Variants in MOBP observed in about 807,000 individuals in gnomAD.
The protein encoded by MOBP is myelin-associated oligodendrocyte basic protein.
MOBP carries 5 observed loss-of-function variants against 15.0 expected under a neutral mutation model. The observed-to-expected ratio is 0.33, with a 90% CI of 0.17 to 0.70. The LOEUF is 0.70. Ranked by LOEUF, MOBP falls within the 30% of genes least tolerant of loss-of-function variation. MOBP has a pLI of 0.67. For synonymous variants in MOBP, 88 were observed against 99.0 expected (o/e 0.89, Z 0.66); for missense variants, 188 against 257.8 (o/e 0.73, Z 1.85).
In MOBP at chr3:39,468,912, A is replaced by T. The variant is rs141320139; in HGVS notation, c.-89+1172A>T. Among the ~76,000 whole-genome samples the T allele has an allele frequency of 9.1e-3, 710 of 77,996 alleles. 103 individuals carry two copies. The highest frequency in any genetic ancestry group is 0.021 in the South Asian group (57 of 2,664). 51.2% of individuals were successfully genotyped at this position (77,996 alleles called of 152,430 possible). Reference sequence around the variant, plus strand: ...GTGTATATATACATATATACATATGAGTGTGTATATATACATATATACATT... The same window carrying T: ...GTGTATATATACATATATACATATGTGTGTGTATATATACATATATACATT... On this transcript the variant is annotated intron_variant, in intron 1 of 3. Coordinates refer to ENST00000684792, the MANE Select transcript of MOBP (RefSeq NM_001393704.1).
At chr3:39,479,210 G>A (rs1162151519) in intron 1 of MOBP, among the ~76,000 whole-genome samples, 1 of 152,098 alleles carries the variant, frequency 6.6e-6, no homozygotes, top group East Asian at 1.9e-4. Context: ...AAAGAAACAT[G>A]CTAGTGATCC....
intron 1 of MOBP, among the ~76,000 whole-genome samples, chr3:39,479,021 G>A (rs1431405666): frequency 6.6e-6 from 1 of 151,870 alleles, no homozygotes; most frequent in Non-Finnish European, 1.5e-5. Context: ...GTAGAGACGG[G>A]GCTTCACCAT....
At chr3:39,498,733 C>G (rs1402037855) in intron 2 of MOBP, among the ~76,000 whole-genome samples, 1 of 152,138 alleles carries the variant, frequency 6.6e-6, no homozygotes, top group Non-Finnish European at 1.5e-5. Context: ...TCCTTCAGGA[C>G]CATGCATCGA....
At position 39,469,199 on chromosome 3, in the gene MOBP, TATATAC is replaced by T. The variant is rs1374996005; in HGVS notation, c.-89+1462_-89+1467del. Among the ~76,000 whole-genome samples the T allele has an allele frequency of 1.1e-4, 12 of 107,482 alleles. 1 individual carries two copies. The highest frequency in any genetic ancestry group is 1.8e-4 in the African/African-American group (4 of 22,716). The allele number at this position is 107,482 out of a possible 152,430, so 70.5% of individuals were successfully genotyped here. On this transcript the variant is annotated intron_variant, in intron 1 of 3. Transcript: ENST00000684792. Reference sequence around the variant, plus strand: ...ATACATGTGTGTGTGTGTATATACATATATACATGTGTGTGTATATACATATATACA... The same window carrying T: ...ATACATGTGTGTGTGTGTATATACATATGTGTGTGTATATACATATATACA...
chr3:39,484,838 T>A (rs1278855823), intron 2 of MOBP, among the ~76,000 whole-genome samples: 2 of 152,220 alleles, frequency 1.3e-5, no homozygotes, highest in Non-Finnish European at 2.9e-5. Flanking sequence ...AGTTTGTTCA[T>A]CAGAAAGGAC....
intron 2 of MOBP, among the ~76,000 whole-genome samples, chr3:39,487,518 C>CTTTTTTT (rs1216386382): frequency 2.0e-4 from 20 of 102,492 alleles, no homozygotes; most frequent in Non-Finnish European, 2.2e-4. Flanking sequence ...AATTTTCTTT[C>CTTTTTTT]TTTTTTTTTT....
chr3:39,482,022 TCTC>T (rs1008548960), intron 2 of MOBP, among the ~76,000 whole-genome samples: 4 of 152,162 alleles, frequency 2.6e-5, no homozygotes, highest in Non-Finnish European at 4.4e-5. Context: ...CGAGCCAACT[TCTC>T]CTCTGAACTA....
intron 1 of MOBP, among the ~76,000 whole-genome samples, chr3:39,471,712 C>T (rs1469896125): frequency 6.6e-6 from 1 of 152,178 alleles, no homozygotes; most frequent in Non-Finnish European, 1.5e-5. Context: ...CATGCCCCTC[C>T]TGCACTTGTT....
intron 4 of MOBP, among the ~76,000 whole-genome samples, chr3:39,512,139 G>A (rs769939979): frequency 6.6e-6 from 1 of 152,080 alleles, no homozygotes; most frequent in African/African-American, 2.4e-5. Flanking sequence ...GGGAGTTCAG[G>A]GCTGTTGCTA....
chr3:39,477,493 C>T (rs1323201731), intron 1 of MOBP, among the ~76,000 whole-genome samples: 2 of 151,656 alleles, frequency 1.3e-5, no homozygotes, highest in Non-Finnish European at 1.5e-5. Context: ...AAGTACAGCA[C>T]ATACAATTAT....
downstream of MOBP, among the ~76,000 whole-genome samples, chr3:39,520,421 T>C (rs915222197): frequency 2.6e-5 from 4 of 152,174 alleles, no homozygotes; most frequent in African/African-American, 9.7e-5. Flanking sequence ...GTGACACTTT[T>C]CCTCTTCTGG....
intron 1 of MOBP, among the ~76,000 whole-genome samples, chr3:39,468,080 CT>C (rs534355934): frequency 1.2e-3 from 155 of 132,516 alleles, no homozygotes; most frequent in South Asian, 4.3e-3. Context: ...GCTGCTGCTG[CT>C]TTTTTTTTTT....
intron 2 of MOBP, among the ~76,000 whole-genome samples, chr3:39,496,515 T>C (rs112979090): frequency 0.11 from 16,488 of 151,392 alleles, 1,157 homozygotes; most frequent in Middle Eastern, 0.18. Flanking sequence ...TCTTTTTTTT[T>C]TGAGACAGAG....
At chr3:39,506,614 C>T (rs374321139), downstream of MOBP, among the ~76,000 whole-genome samples, 16 of 152,282 alleles carry the variant, frequency 1.1e-4, no homozygotes, top group South Asian at 2.9e-3. Context: ...CACCAGTTCT[C>T]GTCAGACATT....
intron 1 of MOBP, among the ~76,000 whole-genome samples, chr3:39,479,579 C>T (rs151258581): frequency 2.6e-5 from 4 of 151,948 alleles, no homozygotes; most frequent in African/African-American, 4.8e-5. Flanking sequence ...GCACAAAGAA[C>T]ACATCTCTTC....
intron 2 of MOBP, among the ~76,000 whole-genome samples, chr3:39,492,768 C>T (rs2042818584): frequency 6.6e-6 from 1 of 152,144 alleles, no homozygotes; most frequent in Non-Finnish European, 1.5e-5. Flanking sequence ...GTGTTATTCT[C>T]ACATAGGGTT....
At chr3:39,487,771 A>G (rs1223637513) in intron 2 of MOBP, among the ~76,000 whole-genome samples, 1 of 151,636 alleles carries the variant, frequency 6.6e-6, no homozygotes, top group Non-Finnish European at 1.5e-5. Flanking sequence ...ATCTGCCCGC[A>G]TCGGCCTCCC....
At chr3:39,507,259 G>A (rs1040660381), downstream of MOBP, among the ~76,000 whole-genome samples, 1 of 152,090 alleles carries the variant, frequency 6.6e-6, no homozygotes, top group African/African-American at 2.4e-5. Flanking sequence ...TCTTCTTTTT[G>A]TTTGCTATCT....
At chr3:39,487,993 T>C (rs1199530093) in intron 2 of MOBP, among the ~76,000 whole-genome samples, 1 of 152,180 alleles carries the variant, frequency 6.6e-6, no homozygotes, top group Non-Finnish European at 1.5e-5. Flanking sequence ...CTATGCACAA[T>C]TTTTCCTTCT....
Sources: gnomAD v4.1 joint callset for allele counts (sites outside exome capture counted in the v4.1 genomes callset) on GRCh38, gnomAD v4.1.1 for gene constraint, MANE v1.5 for transcripts, NCBI Gene and HGNC (gene_info 2026-07-23, HGNC 2026-07-21) for gene names.